Variants in BICD2 observed in about 807,000 individuals in gnomAD.
BICD2 encodes protein bicaudal D homolog 2.
BICD2 carries 25 observed loss-of-function variants against 72.9 expected under a neutral mutation model. The observed-to-expected ratio is 0.34, with a 90% CI of 0.25 to 0.48. The LOEUF (loss-of-function observed/expected upper bound fraction) is 0.48. Ranked by LOEUF, BICD2 falls within the 20% of genes least tolerant of loss-of-function variation. BICD2 has a pLI of 0.99. For synonymous variants in BICD2, 501 were observed against 516.1 expected (o/e 0.97, Z 0.40); for missense variants, 894 against 1,175.2 (o/e 0.76, Z 3.50).
chr9:92,724,606 T>A (rs1447701427), intron 2 of BICD2, among the ~76,000 whole-genome samples: 1 of 152,092 alleles, frequency 6.6e-6, no homozygotes, highest in Non-Finnish European at 1.5e-5. Flanking sequence ...GAGGAGAAAG[T>A]GAGCGAGGTG....
intron 6 of BICD2, 52 bp downstream of exon 6, chr9:92,717,745 C>T: frequency 6.5e-7 from 1 of 1,541,202 alleles, no homozygotes; most frequent in Non-Finnish European, 8.7e-7. Context: ...GAGGCAAGTG[C>T]TGAGGACAGC....
intron 2 of BICD2, among the ~76,000 whole-genome samples, chr9:92,723,205 A>C (rs1366337472): frequency 6.6e-6 from 1 of 152,248 alleles, no homozygotes; most frequent in South Asian, 2.1e-4. Context: ...CAACTGTTAA[A>C]CACAGAGGGT....
At chr9:92,746,666 T>C (rs1454450549) in intron 1 of BICD2, among the ~76,000 whole-genome samples, 1 of 152,150 alleles carries the variant, frequency 6.6e-6, no homozygotes, top group African/African-American at 2.4e-5. Context: ...CAGTGGATGA[T>C]GCTCAGCAGC....
intron 1 of BICD2, among the ~76,000 whole-genome samples, chr9:92,734,192 G>A (rs1853731458): frequency 6.6e-6 from 1 of 152,114 alleles, no homozygotes. Context: ...ATGAATAAGT[G>A]AAGTTAATCT....
rs776420993 is a variant in BICD2, at chr9:92,764,612, C to G, written c.133G>C (p.Glu45Gln). The change falls in exon 1 of 7, where the codon GAG becomes CAG. Residue 45 changes from glutamate to glutamine, a missense_variant. Transcript: ENST00000356884. The surrounding 1 kb of genome is among the most constrained non-coding windows in gnomAD (Gnocchi z 5.5). The stretch of plus-strand genomic sequence containing the variant: ...TCCTCGAGCACCGCCAGCCCGTACT[C>G]GGCCGCCTGGATCTTCTCACGCGTG... Reference protein sequence around the residue: ...ETTREKIQAAEYGLAVLEEKH... With the variant: ...ETTREKIQAAQYGLAVLEEKH... The G allele has an allele frequency of 6.3e-6, 10 of 1,590,534 alleles. No individual in the cohort carries two copies. The highest frequency in any genetic ancestry group is 4.6e-5 in the East Asian group (2 of 43,748).
chr9:92,714,958 G>A lies in BICD2; in HGVS notation c.*196C>T. The A allele has an allele frequency of 7.2e-7, 1 of 1,393,664 alleles. No individual in the cohort carries two copies. Among genetic ancestry groups the A allele is most frequent in the African/African-American group, 1.5e-5 (1 of 68,570 alleles). The allele number at this position is 1,393,664 out of a possible 1,614,324, so 86.3% of individuals were successfully genotyped here. A position where few individuals can be genotyped will look rare whatever the true frequency, so the allele number is the denominator to read the frequency against. The stretch of plus-strand genomic sequence containing the variant: ...CAGCTGAGGACTGGGTGCTCCTGAG[G>A]GGGCTTTGAGGAGTGAGAAGCGACA... On this transcript the variant is annotated 3_prime_UTR_variant, in exon 7 of 7. Transcript: ENST00000356884.
At chr9:92,730,266 A>C (rs1479783002) in intron 1 of BICD2, among the ~76,000 whole-genome samples, 2 of 152,250 alleles carry the variant, frequency 1.3e-5, no homozygotes, top group African/African-American at 4.8e-5. Flanking sequence ...GCAGAAAACA[A>C]GATCAAGAGA....
chr9:92,750,674 A>C (rs1854128221), intron 1 of BICD2, among the ~76,000 whole-genome samples: 2 of 151,850 alleles, frequency 1.3e-5, no homozygotes, highest in Non-Finnish European at 2.9e-5. Flanking sequence ...TTTTTTTTTA[A>C]GGCAGTGAAA....
chr9:92,718,504 T>C (rs759806726), intron 5 of BICD2, 35 bp downstream of exon 5: 1 of 1,580,730 alleles, frequency 6.3e-7, no homozygotes, highest in East Asian at 2.2e-5. Context: ...AGGCCAGTAG[T>C]AGGTGACATG....
chr9:92,763,807 A>G (rs1381352977), intron 1 of BICD2, among the ~76,000 whole-genome samples: 1 of 152,144 alleles, frequency 6.6e-6, no homozygotes, highest in Non-Finnish European at 1.5e-5. Flanking sequence ...GCTGGACAGG[A>G]AGTGGGCCAG....
chr9:92,763,392 CT>C (rs1056764763), intron 1 of BICD2, among the ~76,000 whole-genome samples: 1 of 152,166 alleles, frequency 6.6e-6, no homozygotes, highest in Non-Finnish European at 1.5e-5. Context: ...CACCACCAAG[CT>C]ATACTCCTGA....
chr9:92,751,134 TTTGTTGTTGTTGTTGTTGTTG>T (rs199613227), intron 1 of BICD2, among the ~76,000 whole-genome samples: 1 of 150,348 alleles, frequency 6.7e-6, no homozygotes, highest in African/African-American at 2.4e-5. Context: ...TGGTTGGTTT[TTTGTTGTTGTTGTTGTTGTTG>T]TTGTTGTTGT....
At position 92,719,620 on chromosome 9, in the gene BICD2, C is replaced by T. The variant is rs750980756; in HGVS notation, c.1063-38G>A. ...AGGCAGCAGGACACCATGTCAGTTG[C>T]TATGGACCCCGAGAGCTTGGAGGAC... On this transcript the variant is annotated intron_variant, in intron 4 of 6. Coordinates refer to ENST00000356884, the MANE Select transcript of BICD2 (RefSeq NM_001003800.2). 2.5e-5 allele frequency: 38 copies of T among 1,531,990 alleles called. No homozygotes were observed. In the East Asian group the frequency reaches 4.9e-4, roughly 20 times the overall value. The allele number at this position is 1,531,990 out of a possible 1,614,324, so 94.9% of individuals were successfully genotyped here. A position where few individuals can be genotyped will look rare whatever the true frequency, so the allele number is the denominator to read the frequency against.
rs1265750446 is a variant in BICD2 at position 92,720,138 on chromosome 9, T to C, written c.1062+162A>G. ...AAACCACTTCTCTGAGACTCCTCTA[T>C]GTGTGCTCCTGGAGTTCCATTTACC... is the stretch of plus-strand genomic sequence containing the variant. On this transcript the variant is annotated intron_variant, in intron 4 of 6. Coordinates refer to ENST00000356884, the MANE Select transcript of BICD2 (RefSeq NM_001003800.2). The surrounding 1 kb of genome is among the most constrained non-coding windows in gnomAD (Gnocchi z 5.4). 6.6e-6 allele frequency among the ~76,000 whole-genome samples: 1 copy of C among 152,246 alleles called. No homozygotes were observed. The highest frequency in any genetic ancestry group is 1.5e-5 in the Non-Finnish European group (1 of 68,040).
chr9:92,713,034 G>A lies in BICD2; in HGVS notation c.*2120C>T, dbSNP rs972647676. ...CTGAGGCGGACAGCTACAGGACCAC[G>A]AGCATAGACCACGGCACCTGAGACC... On this transcript the variant is annotated 3_prime_UTR_variant, in exon 7 of 7. Coordinates refer to ENST00000356884, the MANE Select transcript of BICD2 (RefSeq NM_001003800.2). 21 of 185,460 alleles carry A rather than the reference G, an allele frequency of 1.1e-4. No homozygotes were observed. Among genetic ancestry groups the A allele is most frequent in the Non-Finnish European group, 2.1e-4 (18 of 87,072 alleles). 11.5% of individuals were successfully genotyped at this position (185,460 alleles called of 1,614,324 possible).
intron 1 of BICD2, among the ~76,000 whole-genome samples, chr9:92,731,276 A>G (rs1256354656): frequency 6.6e-6 from 1 of 152,198 alleles, no homozygotes; most frequent in African/African-American, 2.4e-5. Context: ...TCCTCCAGGT[A>G]TGACAGCTAA....
intron 1 of BICD2, among the ~76,000 whole-genome samples, chr9:92,754,075 G>A (rs1345622895): frequency 9.9e-5 from 15 of 151,666 alleles, no homozygotes; most frequent in Non-Finnish European, 1.6e-4. Flanking sequence ...AACCCGGGAG[G>A]CGGAGCTTGC....
At chr9:92,757,232 T>A (rs1286551200) in intron 1 of BICD2, among the ~76,000 whole-genome samples, 1 of 144,190 alleles carries the variant, frequency 6.9e-6, no homozygotes, top group Non-Finnish European at 1.5e-5. Flanking sequence ...GAGAGTTGCT[T>A]GAACACAGGA....
At chr9:92,726,127 C>T (rs1853563596) in intron 2 of BICD2, among the ~76,000 whole-genome samples, 1 of 152,206 alleles carries the variant, frequency 6.6e-6, no homozygotes, top group Non-Finnish European at 1.5e-5. Context: ...AGAAGCACCT[C>T]ACCCCCTACC....
Sources: allele counts gnomAD v4.1 joint callset (sites outside exome capture counted in the v4.1 genomes callset), GRCh38; gene constraint gnomAD v4.1.1; non-coding constraint Gnocchi (gnomAD v3.1); transcripts MANE v1.5; gene names NCBI Gene and HGNC (gene_info 2026-07-23, HGNC 2026-07-21).